Variants in ZFP28 observed in about 807,000 individuals in gnomAD.
The protein encoded by ZFP28 is ZFP28 zinc finger protein, also known as zinc finger protein 28 homolog.
A neutral mutation model predicts 39.5 loss-of-function variants in ZFP28; 31 were observed. The ratio of observed to expected loss-of-function variants is 0.79; its 90% confidence interval spans 0.59 to 1.06. The LOEUF is 1.06. Ranked by LOEUF, ZFP28 falls within the 50% of genes least tolerant of loss-of-function variation. The pLI is 0.00. For missense variants in ZFP28, 925 were observed against 1,048.4 expected (o/e 0.88, Z 1.63); for synonymous variants, 400 against 378.6 (o/e 1.06, Z -0.66).
In ZFP28 at chr19:56,544,761, TGTAA is replaced by T. The variant is rs1353651460; in HGVS notation, c.301-2744_301-2741del. The T allele has an allele frequency of 5.9e-5, 9 of 152,248 alleles. No homozygotes were observed. In the South Asian group the frequency reaches 1.4e-3, roughly 24 times the overall value. The allele number at this position is 152,248 out of a possible 1,614,324, so 9.4% of individuals were successfully genotyped here. A position where few individuals can be genotyped will look rare whatever the true frequency, so the allele number is the denominator to read the frequency against. ...GTATATAGAATTGCGTCTGAAGTGT[TGTAA>T]GTGCTTTCAGCTATTGTTATTGCTG... is the stretch of plus-strand genomic sequence containing the variant. On this transcript the variant is annotated intron_variant, in intron 2 of 7. Transcript: ENST00000301318.
intron 6 of ZFP28, 88 bp downstream of exon 6, chr19:56,550,269 G>C (rs193084660): frequency 7.6e-7 from 1 of 1,312,508 alleles, no homozygotes; most frequent in Non-Finnish European, 1.1e-6. Flanking sequence ...GAGGGAGGGG[G>C]TGTCTTCTGA....
chr19:56,549,660 GAGCA>G lies in ZFP28; in HGVS notation c.688-404_688-401del, dbSNP rs573661151. Reference sequence around the variant, plus strand: ...CCACTGCACTCCAGCCTGGGTGACAGAGCAAGACTCCGTCTCAAAAAAAAAAAGC... The same window carrying G: ...CCACTGCACTCCAGCCTGGGTGACAGAGACTCCGTCTCAAAAAAAAAAAGC... On this transcript the variant is annotated intron_variant, in intron 5 of 7. Coordinates refer to ENST00000301318, the MANE Select transcript of ZFP28 (RefSeq NM_020828.2). Among the ~76,000 whole-genome samples, 82 of 151,594 alleles carry G rather than the reference GAGCA, an allele frequency of 5.4e-4. 1 individual carries two copies. Among genetic ancestry groups the G allele is most frequent in the South Asian group, 2.3e-3 (11 of 4,794 alleles).
At chr19:56,551,276 C>T (rs2044299694) in intron 7 of ZFP28, 1 of 986,676 alleles carries the variant, frequency 1.0e-6, no homozygotes, top group Non-Finnish European at 1.2e-6. Context: ...AAGGAAATTT[C>T]CATAGAAAAT....
intron 5 of ZFP28, among the ~76,000 whole-genome samples, chr19:56,549,370 A>G (rs73616014): frequency 0.022 from 3,414 of 152,320 alleles, 113 homozygotes; most frequent in African/African-American, 0.076. Flanking sequence ...TTGACTTGTG[A>G]TGAATGTAAG....
rs147608434 is a variant in ZFP28 at position 56,555,095 on chromosome 19, A to G, written c.2310A>G (p.Gln770=). 98 of 1,614,088 alleles carry G rather than the reference A, an allele frequency of 6.1e-5. No individual in the cohort carries two copies. Among genetic ancestry groups the G allele is most frequent in the Non-Finnish European group, 6.8e-5 (80 of 1,180,042 alleles). ...GTGGCAAAGCCTTTAGTCATCGTCAATCCCTTAGTGTACATCAGAGAATCC... is the reference window on the plus strand; with the variant it reads ...GTGGCAAAGCCTTTAGTCATCGTCAGTCCCTTAGTGTACATCAGAGAATCC... ...SVCGKAFSHR[Q]SLSVHQRIHS... is the part of the protein sequence containing the mutation. The change falls in exon 8 of 8, where the codon CAA becomes CAG. Residue 770 remains glutamine, a synonymous_variant. Transcript: ENST00000301318.
At chr19:56,548,170 A>T (rs1042241959) in intron 4 of ZFP28, among the ~76,000 whole-genome samples, 1 of 152,214 alleles carries the variant, frequency 6.6e-6, no homozygotes, top group Non-Finnish European at 1.5e-5. Flanking sequence ...GGAATCTTAC[A>T]AGGTTTCTTT....
At position 56,555,252 on chromosome 19, in the gene ZFP28, A is replaced by C; in HGVS notation, c.2467A>C (p.Arg823=). ...YNYKKSRKVF[R]QTAHLAHHQR... is the part of the protein sequence containing the mutation. ...CTATAAGAAAAGCAGAAAAGTCTTCAGGCAAACTGCTCACTTAGCTCATCA... is the reference window on the plus strand; with the variant it reads ...CTATAAGAAAAGCAGAAAAGTCTTCCGGCAAACTGCTCACTTAGCTCATCA... The change falls in exon 8 of 8, where the codon AGG becomes CGG. Residue 823 remains arginine (R), a synonymous_variant. Coordinates refer to ENST00000301318, the MANE Select transcript of ZFP28 (RefSeq NM_020828.2). 1.2e-6 allele frequency: 2 copies of C among 1,614,220 alleles called. No individual in the cohort carries two copies.
chr19:56,551,673 T>C (rs1251003352), intron 7 of ZFP28: 5 of 985,296 alleles, frequency 5.1e-6, no homozygotes, highest in Non-Finnish European at 6.0e-6. Flanking sequence ...TTGAAAGTAT[T>C]GGTTATTTAC....
intron 7 of ZFP28, chr19:56,552,395 T>C (rs2044312050): frequency 6.6e-6 from 1 of 152,180 alleles, no homozygotes; most frequent in African/African-American, 2.4e-5. Flanking sequence ...GCCAAGCTGC[T>C]AGATGAAAAA....
intron 7 of ZFP28, chr19:56,552,005 A>G (rs1212459040): frequency 1.0e-6 from 1 of 956,676 alleles, no homozygotes; most frequent in African/African-American, 1.8e-5. Flanking sequence ...CCAGTATATT[A>G]TTTCTAATGT....
rs1375706638 is a variant in ZFP28, at chr19:56,539,086, C to G, written c.68C>G (p.Thr23Arg). ...CTCCCGGGTAGAGGCGCCCCCCGCA[C>G]AAAGCCCCGGGCGGGCCGAGGCCCG... ...TPLPGRGAPR[T>R]KPRAGRGPTV... Residue 23 changes from threonine (T) to arginine (R), a missense_variant, in exon 1 of 8, where the codon ACA becomes AGA. By Grantham distance (71) the Thr-to-Arg change is moderately conservative (BLOSUM62 -1). This residue lies in a region of ZFP28 where 556 missense variants were observed against 542.9 expected (regional missense o/e 1.02). Transcript: ENST00000301318. The G allele has an allele frequency of 2.6e-6, 4 of 1,535,574 alleles. No individual in the cohort carries two copies. In the Admixed American group the frequency reaches 5.9e-5, roughly 22 times the overall value.
chr19:56,555,041 T>A lies in ZFP28; in HGVS notation c.2256T>A (p.Thr752=), dbSNP rs770951797. The A allele has an allele frequency of 2.5e-6, 4 of 1,614,168 alleles. No individual in the cohort carries two copies. In the East Asian group the frequency reaches 8.9e-5, roughly 36 times the overall value. ...TTATTTGTCATCGCAGAAGTCATAC[T>A]GGAGAAAAACCTTATGAATGCAGTG... ...SSLICHRRSH[T]GEKPYECSVC... Residue 752 remains threonine (T), a synonymous_variant, in exon 8 of 8, where the codon ACT becomes ACA. Coordinates refer to ENST00000301318, the MANE Select transcript of ZFP28 (RefSeq NM_020828.2).
At chr19:56,539,468 G>T (rs2044174304) in intron 1 of ZFP28, among the ~76,000 whole-genome samples, 157 bp from the exon 2 acceptor site, 2 of 152,148 alleles carry the variant, frequency 1.3e-5, no homozygotes, top group Admixed American at 1.3e-4. Flanking sequence ...CTGTTTTCGT[G>T]CTCCCAGGGA....
At chr19:56,548,348 A>G (rs1291124007) in intron 4 of ZFP28, 1 of 155,584 alleles carries the variant, frequency 6.4e-6, no homozygotes, top group African/African-American at 2.4e-5. Flanking sequence ...AGCTAGTTTA[A>G]TGAGATAGAA....
chr19:56,540,817 T>A (rs2044189216), intron 2 of ZFP28, among the ~76,000 whole-genome samples: 1 of 152,184 alleles, frequency 6.6e-6, no homozygotes, highest in Non-Finnish European at 1.5e-5. Context: ...AAATAGCTCA[T>A]CCCTGTCCTT....
chr19:56,551,734 C>CT (rs1433799630), intron 7 of ZFP28: 2 of 983,662 alleles, frequency 2.0e-6, no homozygotes, highest in African/African-American at 3.5e-5. Context: ...TAAAATTATT[C>CT]TTTTTTTATG....
chr19:56,555,482 G>A lies in ZFP28; in HGVS notation c.*90G>A. ...TTTTCTTTTTGTCCCTTATTAGTTA[G>A]TTCTTCACATAAGTGTAAATGTAAC... is the stretch of plus-strand genomic sequence containing the variant. On this transcript the variant is annotated 3_prime_UTR_variant, in exon 8 of 8. Transcript: ENST00000301318. 1 of 1,157,746 alleles carries A rather than the reference G, an allele frequency of 8.6e-7. No homozygotes were observed. Among genetic ancestry groups the A allele is most frequent in the East Asian group, 2.5e-5 (1 of 40,624 alleles). 71.7% of individuals were successfully genotyped at this position (1,157,746 alleles called of 1,614,324 possible). A position where few individuals can be genotyped will look rare whatever the true frequency, so the allele number is the denominator to read the frequency against.
chr19:56,542,083 A>T (rs552271227), intron 2 of ZFP28, among the ~76,000 whole-genome samples: 1 of 151,818 alleles, frequency 6.6e-6, no homozygotes, highest in East Asian at 1.9e-4. Flanking sequence ...CAAAATTTGC[A>T]CTTATTCATC....
rs528420542 is a variant in ZFP28 at position 56,550,137 on chromosome 19, G to C, written c.758G>C (p.Cys253Ser). 1.6e-5 allele frequency: 26 copies of C among 1,612,878 alleles called. No individual in the cohort carries two copies. The highest frequency in any genetic ancestry group is 2.1e-5 in the Non-Finnish European group (25 of 1,179,674). ...QQLHPAQKNF[C>S]KNGIWENNSD... ...CTACACCCAGCTCAGAAGAATTTCT[G>C]TAAGAATGGGATATGGGAGAACAAC... The change falls in exon 6 of 8, where the codon TGT becomes TCT. Residue 253 changes from cysteine to serine, a missense_variant. Coordinates refer to ENST00000301318, the MANE Select transcript of ZFP28 (RefSeq NM_020828.2).
Sources: gnomAD v4.1 joint callset for allele counts (sites outside exome capture counted in the v4.1 genomes callset) on GRCh38, gnomAD v4.1.1 for gene constraint, gnomAD v4.1.1 regional missense constraint, MANE v1.5 for transcripts, NCBI Gene and HGNC (gene_info 2026-07-23, HGNC 2026-07-21) for gene names.